The following SIN3A variants were observed in gnomAD, a reference collection of about 807,000 sequenced individuals.
SIN3A encodes the protein paired amphipathic helix protein Sin3a.
SIN3A carries 14 observed loss-of-function variants against 146.1 expected under a neutral mutation model. The observed-to-expected ratio is 0.10, with a 90% CI of 0.06 to 0.15. SIN3A has a LOEUF of 0.15. Ranked by LOEUF, SIN3A falls within the 10% of genes least tolerant of loss-of-function variation. The pLI, the probability that SIN3A is intolerant of heterozygous loss-of-function variation, is 1.00. For missense variants in SIN3A, 1,028 were observed against 1,576.0 expected, an observed-to-expected ratio of 0.65 and a Z score of 5.89; for synonymous variants, 572 against 572.0, an observed-to-expected ratio of 1.00 and a Z score of 0.00.
chr15:75,389,912 G>T, intron 15 of SIN3A, 91 bp from the exon 16 acceptor site: 1 of 1,239,658 alleles, frequency 8.1e-7, no homozygotes. Flanking sequence ...GGCCTAAATG[G>T]CATTTGAAAG....
At chr15:75,444,694 G>A (rs541751896) in intron 1 of SIN3A, among the ~76,000 whole-genome samples, 43 of 151,924 alleles carry the variant, frequency 2.8e-4, no homozygotes, top group Non-Finnish European at 4.7e-4. Flanking sequence ...TACAGACTTC[G>A]GTGACACTGA....
intron 1 of SIN3A, chr15:75,448,175 TAAA>T (rs59766455): frequency 1.1e-4 from 15 of 133,998 alleles, no homozygotes; most frequent in East Asian, 2.2e-4. Context: ...AGACTTCGTC[TAAA>T]AAAAAAAAAA....
At chr15:75,394,958 C>T in intron 13 of SIN3A, 95 bp from the exon 14 acceptor site, 1 of 1,188,086 alleles carries the variant, frequency 8.4e-7, no homozygotes, top group Non-Finnish European at 1.2e-6. Flanking sequence ...AAGAAAGGTG[C>T]AAAGCTATAT....
chr15:75,383,837 C>G (rs1479623350), intron 17 of SIN3A, among the ~76,000 whole-genome samples: 1 of 151,904 alleles, frequency 6.6e-6, no homozygotes, highest in Non-Finnish European at 1.5e-5. Context: ...GCCATGTTGC[C>G]CAAGCTGGTC....
upstream of SIN3A, chr15:75,453,302 C>G (rs376873520): frequency 6.6e-6 from 1 of 152,336 alleles, no homozygotes; most frequent in Non-Finnish European, 1.5e-5. Context: ...CAGGTGGGAG[C>G]AGCCTCGCCA....
In SIN3A at chr15:75,389,634, C is replaced by T. The variant is rs1253004821; in HGVS notation, c.3021+18G>A. 1 of 1,613,380 alleles carries T rather than the reference C, an allele frequency of 6.2e-7. No homozygotes were observed. On this transcript the variant is annotated intron_variant, in intron 16 of 20. Transcript: ENST00000394947. Reference sequence around the variant, plus strand: ...GGATTTCTTCCCTTACTCACCCTAGCCTCCTCCATGCCCTCACCTGTCTGA... The same window carrying T: ...GGATTTCTTCCCTTACTCACCCTAGTCTCCTCCATGCCCTCACCTGTCTGA...
At chr15:75,380,496 C>T (rs141806076) in intron 19 of SIN3A, 133 bp downstream of exon 19, 8 of 673,576 alleles carry the variant, frequency 1.2e-5, no homozygotes, top group African/African-American at 1.1e-4. Context: ...CATATAAAAC[C>T]TTGAATTAGC....
chr15:75,373,268 C>G, intron 20 of SIN3A, among the ~76,000 whole-genome samples: 1 of 152,096 alleles, frequency 6.6e-6, no homozygotes, highest in Non-Finnish European at 1.5e-5. Flanking sequence ...ATCCCAGCTA[C>G]TCGAGAGGCT....
chr15:75,381,784 A>G, intron 17 of SIN3A, 79 bp from the exon 18 acceptor site: 5 of 1,190,180 alleles, frequency 4.2e-6, no homozygotes, highest in Non-Finnish European at 6.2e-6. Flanking sequence ...TGAGAGGTGC[A>G]GAGGCAATAA....
At chr15:75,419,455 T>C (rs1483012038) in intron 3 of SIN3A, 2 of 152,170 alleles carry the variant, frequency 1.3e-5, no homozygotes, top group Non-Finnish European at 2.9e-5. Context: ...AAAGCAATTA[T>C]GTGTGATATG....
chr15:75,400,354 C>T (rs1271009888), intron 11 of SIN3A, among the ~76,000 whole-genome samples, 198 bp from the exon 12 acceptor site: 1 of 152,170 alleles, frequency 6.6e-6, no homozygotes, highest in African/African-American at 2.4e-5. Flanking sequence ...AATTCCAGTG[C>T]TTTGGGAGGA....
At chr15:75,397,848 C>G (rs557758929) in intron 12 of SIN3A, among the ~76,000 whole-genome samples, 2 of 152,362 alleles carry the variant, frequency 1.3e-5, no homozygotes, top group African/African-American at 4.8e-5. Flanking sequence ...CTCTGCTAAA[C>G]TCATCAGTTA....
intron 1 of SIN3A, among the ~76,000 whole-genome samples, chr15:75,445,595 T>C (rs1241225100): frequency 2.0e-5 from 3 of 148,928 alleles, no homozygotes; most frequent in East Asian, 2.0e-4. Context: ...AATAAATAAA[T>C]AGCTGGGTGT....
At chr15:75,444,267 C>A (rs2074266682) in intron 1 of SIN3A, among the ~76,000 whole-genome samples, 1 of 151,992 alleles carries the variant, frequency 6.6e-6, no homozygotes, top group Admixed American at 6.6e-5. Flanking sequence ...ATGGTGAAAC[C>A]CCATTTCTAC....
chr15:75,372,220 G>T lies in SIN3A; in HGVS notation c.3592-11C>A. ...TACACGCTCATGGGACTGCAAAACA[G>T]AAAAAAAAAATTTTATTAAATGAAG... On this transcript the variant is annotated splice_polypyrimidine_tract_variant and intron_variant, in intron 20 of 20. Coordinates refer to ENST00000394947, the MANE Select transcript of SIN3A (RefSeq NM_001145358.2). 1 of 1,503,524 alleles carries T rather than the reference G, an allele frequency of 6.7e-7. No individual in the cohort carries two copies. The highest frequency in any genetic ancestry group is 1.4e-5 in the African/African-American group (1 of 69,646). The allele number at this position is 1,503,524 out of a possible 1,614,324, so 93.1% of individuals were successfully genotyped here. A position where few individuals can be genotyped will look rare whatever the true frequency, so the allele number is the denominator to read the frequency against.
chr15:75,448,185 AAAAAAAAGACATGAG>A (rs2074340512), intron 1 of SIN3A: 3 of 153,526 alleles, frequency 2.0e-5, no homozygotes, highest in Admixed American at 1.3e-4. Context: ...TAAAAAAAAA[AAAAAAAAGACATGAG>A]AAAAAAAGAC....
intron 16 of SIN3A, among the ~76,000 whole-genome samples, chr15:75,387,767 A>G (rs911674752): frequency 1.3e-5 from 2 of 152,126 alleles, no homozygotes; most frequent in Non-Finnish European, 2.9e-5. Context: ...GCAAGCCTGT[A>G]ATCAGCAACA....
At chr15:75,414,123 T>G (rs538449790) in intron 4 of SIN3A, 82 bp downstream of exon 4, 1 of 608,310 alleles carries the variant, frequency 1.6e-6, no homozygotes, top group Non-Finnish European at 2.6e-6. Context: ...ATCCTTTATC[T>G]TCCAGTAAAT....
At chr15:75,411,470 A>C in intron 6 of SIN3A, 22 bp downstream of exon 6, 1 of 1,603,522 alleles carries the variant, frequency 6.2e-7, no homozygotes, top group East Asian at 2.2e-5. Flanking sequence ...TGGTTAAGAC[A>C]GGCTGAATGG....
Sources: gnomAD v4.1 joint callset for allele counts (sites outside exome capture counted in the v4.1 genomes callset) on GRCh38, gnomAD v4.1.1 for gene constraint, MANE v1.5 for transcripts, NCBI Gene and HGNC (gene_info 2026-07-23, HGNC 2026-07-21) for gene names.